The following MRPS27 variants were observed in gnomAD, a reference collection of about 807,000 sequenced individuals.
MRPS27 encodes small ribosomal subunit protein mS27.
Under a neutral mutation model 48.9 loss-of-function variants are expected in MRPS27, and 43 were observed. That is an observed-to-expected ratio of 0.88 (90% CI 0.69 to 1.13). MRPS27 has a LOEUF of 1.13. MRPS27 is among the 50% of genes most tolerant of loss of function. MRPS27 has a pLI of 0.00. For missense variants in MRPS27, 467 were observed against 476.3 expected, an observed-to-expected ratio of 0.98 and a Z score of 0.18; for synonymous variants, 188 against 171.9, an observed-to-expected ratio of 1.09 and a Z score of -0.73.
chr5:72,232,079 T>C (rs932590100), intron 7 of MRPS27, among the ~76,000 whole-genome samples: 1 of 152,174 alleles, frequency 6.6e-6, no homozygotes, highest in African/African-American at 2.4e-5. Flanking sequence ...AAAATACTGA[T>C]ACAAATGAAA....
chr5:72,287,930 C>T (rs1749717575), intron 4 of MRPS27, among the ~76,000 whole-genome samples: 1 of 152,216 alleles, frequency 6.6e-6, no homozygotes, highest in Admixed American at 6.5e-5. Flanking sequence ...GAAATGAAAG[C>T]ACGCATCTAT....
chr5:72,303,328 T>C (rs1221946642), intron 2 of MRPS27, among the ~76,000 whole-genome samples: 1 of 152,034 alleles, frequency 6.6e-6, no homozygotes, highest in Non-Finnish European at 1.5e-5. Flanking sequence ...AAACAATGAA[T>C]AAGTTAAAAA....
At chr5:72,279,217 T>C (rs1032822131) in intron 4 of MRPS27, among the ~76,000 whole-genome samples, 1 of 152,238 alleles carries the variant, frequency 6.6e-6, no homozygotes, top group African/African-American at 2.4e-5. Context: ...ATTTATCTGA[T>C]TATTGAGAGT....
At chr5:72,269,229 G>T (rs547035350) in intron 4 of MRPS27, among the ~76,000 whole-genome samples, 21 of 152,278 alleles carry the variant, frequency 1.4e-4, no homozygotes, top group African/African-American at 4.8e-4. Flanking sequence ...TTCCGAAAAA[G>T]GTACTTTTCC....
At chr5:72,255,036 T>C (rs959300781) in intron 4 of MRPS27, among the ~76,000 whole-genome samples, 30 of 132,112 alleles carry the variant, frequency 2.3e-4, no homozygotes, top group Middle Eastern at 3.7e-3. Flanking sequence ...TTTCTTTTTT[T>C]TTTTTTTTTT....
intron 4 of MRPS27, among the ~76,000 whole-genome samples, chr5:72,248,703 G>A (rs1313618241): frequency 1.1e-5 from 1 of 90,558 alleles, no homozygotes; most frequent in Non-Finnish European, 2.5e-5. Context: ...AAGCTTTGAT[G>A]TATAATAGTT....
intron 3 of MRPS27, among the ~76,000 whole-genome samples, chr5:72,295,907 T>G (rs1317062331): frequency 6.6e-6 from 1 of 152,198 alleles, no homozygotes; most frequent in Non-Finnish European, 1.5e-5. Context: ...GTTACCTATT[T>G]TTTCCTTTAT....
chr5:72,316,963 A>G (rs1383437834), intron 1 of MRPS27, among the ~76,000 whole-genome samples: 5 of 148,414 alleles, frequency 3.4e-5, no homozygotes, highest in African/African-American at 1.2e-4. Flanking sequence ...CAGGAGGTGG[A>G]GGTTGTGGTG....
At chr5:72,317,713 AG>A (rs1750600003) in intron 1 of MRPS27, among the ~76,000 whole-genome samples, 1 of 144,390 alleles carries the variant, frequency 6.9e-6, no homozygotes, top group Admixed American at 7.0e-5. Context: ...TTTGAGATGG[AG>A]TATCTCTCTG....
At chr5:72,251,367 T>C (rs1295115301) in intron 4 of MRPS27, among the ~76,000 whole-genome samples, 2 of 152,122 alleles carry the variant, frequency 1.3e-5, no homozygotes, top group Non-Finnish European at 2.9e-5. Context: ...CCAGCAAAGT[T>C]TTGCCAGTCA....
chr5:72,294,396 C>A (rs1749922458), intron 4 of MRPS27, among the ~76,000 whole-genome samples: 1 of 152,052 alleles, frequency 6.6e-6, no homozygotes, highest in Non-Finnish European at 1.5e-5. Context: ...CAAGCAAGAT[C>A]AAATGGGAAA....
chr5:72,228,282 A>G lies in MRPS27; in HGVS notation c.678T>C (p.Tyr226=). The change falls in exon 8 of 11, where the codon TAT becomes TAC. Residue 226 remains tyrosine, a synonymous_variant. Coordinates refer to ENST00000261413, the MANE Select transcript of MRPS27 (RefSeq NM_015084.3). ...TTAGCTTACCAAGAAGTGCATAGCC[A>G]TACAACTGGGAACTGAAACCCACTG... The part of the protein sequence containing the change: ...KNSVGFSSQL[Y]GYALLGKVEL... 3.1e-6 allele frequency: 5 copies of G among 1,613,098 alleles called. No individual in the cohort carries two copies. Among genetic ancestry groups the G allele is most frequent in the Non-Finnish European group, 4.2e-6 (5 of 1,179,162 alleles).
intron 1 of MRPS27, 76 bp downstream of exon 1, chr5:72,320,073 C>T: frequency 6.8e-7 from 1 of 1,479,730 alleles, no homozygotes; most frequent in East Asian, 2.3e-5. Flanking sequence ...AACGTTTCCT[C>T]TCCTCTTGAA....
chr5:72,220,999 G>A lies in MRPS27; in HGVS notation c.1155C>T (p.Asp385=). ...GTTCTCTCTGGATCAACTGTACAAG[G>A]TCTAGATGCCACTGCTGCAGATTCT... ...YEQNLQQWHL[D]LVQLIQREQQ... The change falls in exon 11 of 11, where the codon GAC becomes GAT. Residue 385 remains aspartate (D), a synonymous_variant. Coordinates refer to ENST00000261413, the MANE Select transcript of MRPS27 (RefSeq NM_015084.3). The A allele has an allele frequency of 6.2e-7, 1 of 1,614,154 alleles. No homozygotes were observed. The highest frequency in any genetic ancestry group is 8.5e-7 in the Non-Finnish European group (1 of 1,180,024).
intron 7 of MRPS27, among the ~76,000 whole-genome samples, chr5:72,229,911 G>A (rs1263359791): frequency 6.6e-6 from 1 of 152,028 alleles, no homozygotes; most frequent in Non-Finnish European, 1.5e-5. Flanking sequence ...TTGGAGACAG[G>A]GTCTTGCCCT....
intron 4 of MRPS27, among the ~76,000 whole-genome samples, chr5:72,269,281 A>G (rs1749175540): frequency 6.6e-6 from 1 of 152,196 alleles, no homozygotes; most frequent in Non-Finnish European, 1.5e-5. Flanking sequence ...TCTTGCTTGC[A>G]CAAAGATGCC....
intron 1 of MRPS27, among the ~76,000 whole-genome samples, chr5:72,318,284 C>T (rs931059356): frequency 3.9e-5 from 6 of 152,018 alleles, no homozygotes; most frequent in South Asian, 2.1e-4. Flanking sequence ...TATTTTGATC[C>T]GCTGTTGGTT....
At chr5:72,256,770 A>C (rs1748820172) in intron 4 of MRPS27, among the ~76,000 whole-genome samples, 1 of 152,138 alleles carries the variant, frequency 6.6e-6, no homozygotes, top group South Asian at 2.1e-4. Context: ...TTATTTTCTC[A>C]TTTTCTCAGA....
chr5:72,274,676 T>C (rs1411649645), intron 4 of MRPS27, among the ~76,000 whole-genome samples: 1 of 152,238 alleles, frequency 6.6e-6, no homozygotes, highest in Non-Finnish European at 1.5e-5. Flanking sequence ...TATTATGTAC[T>C]GTACGTAATT....
Sources: gnomAD v4.1 joint callset for allele counts (sites outside exome capture counted in the v4.1 genomes callset) on GRCh38, gnomAD v4.1.1 for gene constraint, MANE v1.5 for transcripts, NCBI Gene and HGNC (gene_info 2026-07-23, HGNC 2026-07-21) for gene names.